The following SPIRE1 variants were observed in gnomAD, a reference collection of about 807,000 sequenced individuals.
The protein encoded by SPIRE1 is protein spire homolog 1.
SPIRE1 carries 40 observed loss-of-function variants against 94.1 expected under a neutral mutation model. The ratio of observed to expected loss-of-function variants is 0.43; its 90% CI spans 0.33 to 0.55. The LOEUF is 0.55. Among genes scored for constraint, SPIRE1 ranks in the 20% least tolerant of loss-of-function variants. The pLI, the probability that SPIRE1 is intolerant of heterozygous loss-of-function variation, is 0.06. For missense variants in SPIRE1, 838 were observed against 975.2 expected (o/e 0.86, Z 1.87); for synonymous variants, 376 against 371.7 (o/e 1.01, Z -0.13).
chr18:12,661,239 C>T (rs1568000961), upstream of SPIRE1: 2 of 262,968 alleles, frequency 7.6e-6, no homozygotes, highest in East Asian at 1.8e-4. Context: ...ACCCGGGAGG[C>T]GGAGCGTGCA....
At position 12,514,812 on chromosome 18, in the gene SPIRE1, T is replaced by C. The variant is rs150228446; in HGVS notation, c.730-2281A>G. Among the ~76,000 whole-genome samples the C allele has an allele frequency of 2.9e-3, 446 of 152,148 alleles. 2 individuals are homozygous for C. Among genetic ancestry groups the C allele is most frequent in the Non-Finnish European group, 3.2e-3 (215 of 68,006 alleles). ...ACATTTAAGTGTCTCATTCAGCCAA[T>C]AGGTGGATGAATAAATAGGTAAAAT... On this transcript the variant is annotated intron_variant, in intron 4 of 16. Transcript: ENST00000409402.
intron 6 of SPIRE1, among the ~76,000 whole-genome samples, chr18:12,496,435 T>TA (rs1296936776): frequency 6.6e-6 from 1 of 151,990 alleles, no homozygotes; most frequent in African/African-American, 2.4e-5. Flanking sequence ...TTCCTCCTTG[T>TA]AAAAAAAACC....
At position 12,449,526 on chromosome 18, in the gene SPIRE1, A is replaced by G; in HGVS notation, c.*112T>C. 9.0e-7 allele frequency: 1 copy of G among 1,110,432 alleles called. No individual in the cohort carries two copies. The highest frequency in any genetic ancestry group is 1.3e-6 in the Non-Finnish European group (1 of 786,446). 68.8% of individuals were successfully genotyped at this position (1,110,432 alleles called of 1,614,324 possible). The stretch of plus-strand genomic sequence containing the variant: ...TGTGATGCGGCAAAAATCTGATCTA[A>G]TGCAAATTCAAGCCCATTAAATAAA... On this transcript the variant is annotated 3_prime_UTR_variant, in exon 17 of 17. Transcript: ENST00000409402.
chr18:12,650,667 G>A (rs188920399), intron 1 of SPIRE1, among the ~76,000 whole-genome samples: 5 of 143,410 alleles, frequency 3.5e-5, no homozygotes, highest in Non-Finnish European at 7.5e-5. Flanking sequence ...CCAAGATCAC[G>A]CCGCTGCACT....
chr18:12,660,088 A>G (rs192569184), upstream of SPIRE1, among the ~76,000 whole-genome samples: 337 of 152,308 alleles, frequency 2.2e-3, 10 homozygotes, highest in East Asian at 0.029. Context: ...GGACAACTAC[A>G]GCCAAACACA....
intron 2 of SPIRE1, among the ~76,000 whole-genome samples, chr18:12,611,572 G>C (rs772457930): frequency 1.4e-4 from 22 of 152,208 alleles, no homozygotes; most frequent in Non-Finnish European, 2.1e-4. Context: ...AAAACACTGA[G>C]CCAGAATCAC....
In SPIRE1 at chr18:12,505,969, A is replaced by G. The variant is rs149977431; in HGVS notation, c.972+508T>C. Among the ~76,000 whole-genome samples the G allele has an allele frequency of 5.3e-3, 811 of 152,332 alleles. 7 individuals are homozygous for G. The highest frequency in any genetic ancestry group is 0.019 in the African/African-American group (771 of 41,570). On this transcript the variant is annotated intron_variant, in intron 6 of 16. Transcript: ENST00000409402. ...AAAGGTTATTGATCAACATGTTAAC[A>G]AAATTTCTCTCTGGGTTATGGAATT...
chr18:12,660,438 C>T (rs912447519), upstream of SPIRE1, among the ~76,000 whole-genome samples: 9 of 151,810 alleles, frequency 5.9e-5, no homozygotes, highest in East Asian at 3.9e-4. Flanking sequence ...TCTCGTGCCT[C>T]GGCCTCCCGA....
At chr18:12,549,597 G>A (rs973201825) in intron 2 of SPIRE1, among the ~76,000 whole-genome samples, 2 of 151,454 alleles carry the variant, frequency 1.3e-5, no homozygotes, top group African/African-American at 4.9e-5. Flanking sequence ...GAGTACAGGT[G>A]TGCACCACCA....
chr18:12,647,825 A>G (rs1189879985), intron 1 of SPIRE1, among the ~76,000 whole-genome samples: 3 of 152,218 alleles, frequency 2.0e-5, no homozygotes, highest in Non-Finnish European at 2.9e-5. Context: ...TCTAAACACC[A>G]TTCTCCAATA....
At chr18:12,628,068 T>C (rs2037680757) in intron 2 of SPIRE1, among the ~76,000 whole-genome samples, 1 of 152,164 alleles carries the variant, frequency 6.6e-6, no homozygotes, top group African/African-American at 2.4e-5. Context: ...TTAGATCCCA[T>C]TTGTCTATTC....
At chr18:12,468,379 T>C (rs973922454) in intron 10 of SPIRE1, among the ~76,000 whole-genome samples, 3 of 152,152 alleles carry the variant, frequency 2.0e-5, no homozygotes, top group Middle Eastern at 3.2e-3. Context: ...ATGTTTCCTT[T>C]ATATTTCATG....
At position 12,446,797 on chromosome 18, in the gene SPIRE1, A is replaced by G. The variant is rs1438474422; in HGVS notation, c.*2841T>C. 6.6e-6 allele frequency: 1 copy of G among 152,230 alleles called. No individual in the cohort carries two copies. Among genetic ancestry groups the G allele is most frequent in the Non-Finnish European group, 1.5e-5 (1 of 68,046 alleles). 9.4% of individuals were successfully genotyped at this position (152,230 alleles called of 1,614,324 possible). On this transcript the variant is annotated 3_prime_UTR_variant, in exon 17 of 17. Coordinates refer to ENST00000409402, the MANE Select transcript of SPIRE1 (RefSeq NM_001128626.2). ...CCTACAGTAATATAGTTAGAAAAAT[A>G]AAAGGCTTAAAAATTTCATAGTACG...
At chr18:12,495,049 CAA>C (rs773920267) in intron 7 of SPIRE1, among the ~76,000 whole-genome samples, 24 of 81,030 alleles carry the variant, frequency 3.0e-4, no homozygotes, top group African/African-American at 7.0e-4. Context: ...GACTCTGTCT[CAA>C]AAAAAAAAAA....
chr18:12,467,104 A>C lies in SPIRE1; in HGVS notation c.1405-2146T>G, dbSNP rs561976319. On this transcript the variant is annotated intron_variant, in intron 10 of 16. Coordinates refer to ENST00000409402, the MANE Select transcript of SPIRE1 (RefSeq NM_001128626.2). ...AGACCAGCCGGGCCAACATGGTGAA[A>C]TCCTGTCTCTACTAAAAATATAAAA... is the stretch of plus-strand genomic sequence containing the variant. Among the ~76,000 whole-genome samples the C allele has an allele frequency of 2.7e-3, 413 of 152,266 alleles. 2 individuals are homozygous for C. Among genetic ancestry groups the C allele is most frequent in the Middle Eastern group, 0.01 (3 of 294 alleles).
chr18:12,512,633 T>C, intron 4 of SPIRE1, 102 bp from the exon 5 acceptor site: 1 of 713,242 alleles, frequency 1.4e-6, no homozygotes, highest in Non-Finnish European at 2.4e-6. Flanking sequence ...CAAGTACCAG[T>C]GAAGGAGATG....
In SPIRE1 at chr18:12,506,630, C is replaced by G; in HGVS notation, c.819G>C (p.Trp273Cys). ...ELKNADWARF[W>C]VQVMRDLRNG... ...TCCTCAAATCCCTCATCACCTGTAC[C>G]CAGAATCGTGCCTGAAAGAACCAAG... Residue 273 changes from tryptophan to cysteine, a missense_variant, in exon 6 of 17, where the codon TGG (tryptophan) becomes TGC (cysteine). Physicochemically the swap from Trp to Cys is radical, Grantham distance 215. Transcript: ENST00000409402. The G allele has an allele frequency of 6.2e-7, 1 of 1,613,952 alleles. No homozygotes were observed. The highest frequency in any genetic ancestry group is 8.5e-7 in the Non-Finnish European group (1 of 1,179,978).
rs368861641 is a variant in SPIRE1 at position 12,448,950 on chromosome 18, C to T, written c.*688G>A. The T allele has an allele frequency of 6.6e-6, 1 of 152,592 alleles. No individual in the cohort carries two copies. Among genetic ancestry groups the T allele is most frequent in the African/African-American group, 2.4e-5 (1 of 41,442 alleles). The allele number at this position is 152,592 out of a possible 1,614,324, so 9.5% of individuals were successfully genotyped here. A position where few individuals can be genotyped will look rare whatever the true frequency, so the allele number is the denominator to read the frequency against. ...TACATTCAAGATAGAGAATGAAGAC[C>T]TGTCATCCACTCAGGAGACACTGAA... On this transcript the variant is annotated 3_prime_UTR_variant, in exon 17 of 17. Coordinates refer to ENST00000409402, the MANE Select transcript of SPIRE1 (RefSeq NM_001128626.2). This position sits in a 1 kb window ranked among gnomAD's most constrained non-coding sequence, Gnocchi z 4.4.
At chr18:12,659,972 C>T (rs145521500), upstream of SPIRE1, among the ~76,000 whole-genome samples, 171 of 152,218 alleles carry the variant, frequency 1.1e-3, 1 homozygote, top group East Asian at 7.1e-3. Context: ...CAAATACAGA[C>T]TGGTTTAAAA....
Sources: allele counts gnomAD v4.1 joint callset (sites outside exome capture counted in the v4.1 genomes callset), GRCh38; gene constraint gnomAD v4.1.1; non-coding constraint Gnocchi (gnomAD v3.1); transcripts MANE v1.5; gene names NCBI Gene and HGNC (gene_info 2026-07-23, HGNC 2026-07-21).